Variants in CPLANE1 observed in about 807,000 individuals in gnomAD.
The protein encoded by CPLANE1 is ciliogenesis and planar polarity effector 1.
CPLANE1 carries 263 observed loss-of-function variants against 362.5 expected under a neutral mutation model. The observed-to-expected ratio is 0.73, with a 90% CI of 0.66 to 0.80. The LOEUF (loss-of-function observed/expected upper bound fraction) is 0.80, where lower values mean the gene tolerates loss of function less well. Ranked by LOEUF, CPLANE1 falls within the 30% of genes least tolerant of loss-of-function variation. The pLI, the probability that CPLANE1 is intolerant of heterozygous loss-of-function variation, is 0.00. For missense variants in CPLANE1, 3,461 were observed against 3,793.4 expected (o/e 0.91, Z 2.30); for synonymous variants, 1,212 against 1,302.6 (o/e 0.93, Z 1.50).
At chr5:37,132,458 C>G (rs868087282) in intron 46 of CPLANE1, among the ~76,000 whole-genome samples, 39 of 151,066 alleles carry the variant, frequency 2.6e-4, no homozygotes, top group African/African-American at 9.3e-4. Context: ...CATTCTCCTG[C>G]CTCAGCCTCC....
chr5:37,104,584 A>C (rs1468595241), downstream of CPLANE1, among the ~76,000 whole-genome samples: 2 of 149,468 alleles, frequency 1.3e-5, no homozygotes, highest in African/African-American at 2.5e-5. Flanking sequence ...TGGGTGACAG[A>C]GTGAAACTCT....
chr5:37,234,890 CGTT>C (rs573329074), intron 8 of CPLANE1, among the ~76,000 whole-genome samples: 2 of 152,112 alleles, frequency 1.3e-5, no homozygotes, highest in Non-Finnish European at 2.9e-5. Context: ...TCTTAATAGA[CGTT>C]GTTCTGTGGT....
At chr5:37,191,302 G>A (rs890942061) in intron 21 of CPLANE1, among the ~76,000 whole-genome samples, 10 of 152,150 alleles carry the variant, frequency 6.6e-5, no homozygotes, top group African/African-American at 2.4e-4. Context: ...GCAGGCTGAG[G>A]CGGGAGGATC....
intron 16 of CPLANE1, 82 bp from the exon 17 acceptor site, chr5:37,206,507 A>G (rs910414668): frequency 5.4e-5 from 48 of 890,924 alleles, no homozygotes; most frequent in Middle Eastern, 3.3e-4. Context: ...TATCTCTTCA[A>G]TCAGTATTAT....
intron 47 of CPLANE1, among the ~76,000 whole-genome samples, chr5:37,123,707 G>T (rs1763326593): frequency 6.6e-6 from 1 of 151,216 alleles, no homozygotes; most frequent in Non-Finnish European, 1.5e-5. Context: ...ATTTTTTTTT[G>T]TAGAGACAAG....
chr5:37,164,152 C>T (rs1027710851), intron 37 of CPLANE1, 121 bp downstream of exon 37: 8 of 738,596 alleles, frequency 1.1e-5, no homozygotes, highest in Middle Eastern at 7.5e-4. Flanking sequence ...GTATAGGAAC[C>T]CTTGAATTTG....
At position 37,239,695 on chromosome 5, in the gene CPLANE1, A is replaced by C; in HGVS notation, c.834+18T>G. The C allele has an allele frequency of 7.0e-7, 1 of 1,427,808 alleles. No homozygotes were observed. The highest frequency in any genetic ancestry group is 9.3e-7 in the Non-Finnish European group (1 of 1,079,882). 88.4% of individuals were successfully genotyped at this position (1,427,808 alleles called of 1,614,324 possible). ...TCCTTCTTTTATAGATTACTTTCTA[A>C]GACAGATATTTACTGACCTTGGGGT... On this transcript the variant is annotated intron_variant, in intron 7 of 52. Coordinates refer to ENST00000651892, the MANE Select transcript of CPLANE1 (RefSeq NM_001384732.1).
At chr5:37,097,619 C>T in the CPLANE1 span, among the ~76,000 whole-genome samples, 2 of 152,174 alleles carry the variant, frequency 1.3e-5, no homozygotes, top group Non-Finnish European at 2.9e-5. Flanking sequence ...TAGTCACATA[C>T]AAGGGACGTC....
chr5:37,223,473 T>C (rs1795780829), intron 14 of CPLANE1, among the ~76,000 whole-genome samples: 1 of 152,188 alleles, frequency 6.6e-6, no homozygotes, highest in South Asian at 2.1e-4. Context: ...CAACAAAGAC[T>C]GGTTAAGTAA....
chr5:37,123,465 A>T (rs939512279), intron 47 of CPLANE1, among the ~76,000 whole-genome samples: 4 of 152,226 alleles, frequency 2.6e-5, no homozygotes, highest in African/African-American at 9.6e-5. Context: ...AATAGAAGTT[A>T]AAAAACAAAA....
At position 37,226,456 on chromosome 5, in the gene CPLANE1, T is replaced by A; in HGVS notation, c.2139A>T (p.Ser713=). ...GAGCTGTTATTTTACTTCCATCAGCTGATGCTGAAATAACTTCAGGTTGAA... is the reference window on the plus strand; with the variant it reads ...GAGCTGTTATTTTACTTCCATCAGCAGATGCTGAAATAACTTCAGGTTGAA... ...YILQPEVISA[S]ADGSKITAQD... The change falls in exon 12 of 53, where the codon TCA becomes TCT. Residue 713 remains serine (S), a synonymous_variant. Coordinates refer to ENST00000651892, the MANE Select transcript of CPLANE1 (RefSeq NM_001384732.1). 6.4e-7 allele frequency: 1 copy of A among 1,551,070 alleles called. No homozygotes were observed. The highest frequency in any genetic ancestry group is 2.4e-5 in the East Asian group (1 of 40,836).
rs975378346 is a variant in CPLANE1 at position 37,114,978 on chromosome 5, G to C, written c.9382C>G (p.Pro3128Ala). ...CCCTTACCTTTTTGGAAGGTAACTG[G>C]AGACTGCGTAGCCTTTCTTACTGCT... Reference protein sequence around the residue: ...KAAVRKATQSPVTFQKGSNAP... With the variant: ...KAAVRKATQSAVTFQKGSNAP... The change falls in exon 51 of 53, where the codon CCA becomes GCA. Residue 3128 changes from proline to alanine, a missense_variant. This residue lies in a region of CPLANE1 where 3,380 missense variants were observed against 3,666.1 expected (regional missense o/e 0.92). Transcript: ENST00000651892. 1.9e-6 allele frequency: 3 copies of C among 1,608,856 alleles called. No homozygotes were observed. The African/African-American group carries it at 4.0e-5, about 22-fold the overall frequency.
chr5:37,125,113 T>A, intron 47 of CPLANE1, 131 bp downstream of exon 47: 1 of 1,391,048 alleles, frequency 7.2e-7, no homozygotes, highest in Non-Finnish European at 9.6e-7. Context: ...CTGACTTAAG[T>A]AAAACATTTA....
the CPLANE1 span, among the ~76,000 whole-genome samples, chr5:37,077,606 CTTTTTTT>C: frequency 9.4e-3 from 716 of 75,986 alleles, 6 homozygotes; most frequent in African/African-American, 0.042. Context: ...GTGTGTGTGT[CTTTTTTT>C]TTTTTTTTTT....
chr5:37,110,067 A>C (rs977956995), intron 51 of CPLANE1, among the ~76,000 whole-genome samples: 15 of 152,062 alleles, frequency 9.9e-5, no homozygotes, highest in Non-Finnish European at 2.2e-4. Flanking sequence ...CCATTGTTAA[A>C]ACCCTAGCCC....
Position 37,232,284 on chromosome 5 carries a change from G to A in CPLANE1, c.939-1235C>T, listed in dbSNP as rs1009195146. ...CATAATCCCAACACTTTGGGAGGCC[G>A]AGGCAGGTGGATCACGAGGTCAGGA... On this transcript the variant is annotated intron_variant, in intron 8 of 52. Transcript: ENST00000651892. 1.3e-4 allele frequency among the ~76,000 whole-genome samples: 20 copies of A among 152,148 alleles called. No individual in the cohort carries two copies. The South Asian group carries it at 2.7e-3, about 21-fold the overall frequency.
At chr5:37,168,758 C>T in intron 34 of CPLANE1, 33 bp downstream of exon 34, 4 of 1,566,068 alleles carry the variant, frequency 2.6e-6, no homozygotes, top group Non-Finnish European at 3.5e-6. Flanking sequence ...GTGCAGGACA[C>T]TGCTTTTGCA....
chr5:37,099,090 G>A, the CPLANE1 span, among the ~76,000 whole-genome samples: 1 of 152,098 alleles, frequency 6.6e-6, no homozygotes, highest in Non-Finnish European at 1.5e-5. Context: ...AAATACAAAG[G>A]ATCAACAAAA....
At chr5:37,186,492 C>T in intron 23 of CPLANE1, 98 bp from the exon 24 acceptor site, 1 of 659,974 alleles carries the variant, frequency 1.5e-6, no homozygotes, top group South Asian at 1.8e-5. Flanking sequence ...TATAAATGCA[C>T]ATTTCTTACT....
Sources: allele counts gnomAD v4.1 joint callset (sites outside exome capture counted in the v4.1 genomes callset), GRCh38; gene constraint gnomAD v4.1.1; regional missense constraint gnomAD v4.1.1; transcripts MANE v1.5; gene names NCBI Gene and HGNC (gene_info 2026-07-23, HGNC 2026-07-21).